The following GOLGA4 variants were observed in gnomAD, a reference collection of about 807,000 sequenced individuals.
GOLGA4 encodes the protein golgin subfamily A member 4.
In GOLGA4, 169 loss-of-function variants were observed where a neutral mutation model predicts 265.9. That is an observed-to-expected ratio of 0.64 (90% CI 0.56 to 0.72). The LOEUF (loss-of-function observed/expected upper bound fraction) is 0.72, where lower values mean the gene tolerates loss of function less well. Ranked by LOEUF, GOLGA4 falls within the 30% of genes least tolerant of loss-of-function variation. The probability of loss-of-function intolerance (pLI) is 0.00; values close to 1 mark genes in which losing one functional copy is unlikely to be tolerated. For missense variants in GOLGA4, 2,482 were observed against 2,483.4 expected (o/e 1.00, Z 0.01); for synonymous variants, 923 against 855.8 (o/e 1.08, Z -1.37).
chr3:37,244,825 A>G (rs916371317), intron 1 of GOLGA4, among the ~76,000 whole-genome samples: 2 of 152,240 alleles, frequency 1.3e-5, no homozygotes, highest in Non-Finnish European at 2.9e-5. Context: ...TTAAATGGTA[A>G]AGATTGTCCT....
Position 37,258,038 on chromosome 3 carries a change from T to C in GOLGA4, c.162+6554T>C, listed in dbSNP as rs868056630. Among the ~76,000 whole-genome samples the C allele has an allele frequency of 7.2e-3, 493 of 68,852 alleles. 74 individuals are homozygous for C. Among genetic ancestry groups the C allele is most frequent in the African/African-American group, 0.029 (457 of 15,614 alleles). The allele number at this position is 68,852 out of a possible 152,430, so 45.2% of individuals were successfully genotyped here. On this transcript the variant is annotated intron_variant, in intron 2 of 23. Transcript: ENST00000361924. ...ATATATATGTATGTATATATGTATA[T>C]ATACATACATATATATATGTATGTA...
rs1200276548 is a variant in GOLGA4, at chr3:37,302,228, T to C, written c.1130T>C (p.Leu377Pro). ...ACAAAACGTCAGATGCATGAAACCC[T>C]GGAAATGAAAGAAGAAGAAATTGCT... Reference protein sequence around the residue: ...AETKRQMHETLEMKEEEIAQL... With the variant: ...AETKRQMHETPEMKEEEIAQL... Residue 377 changes from leucine (L) to proline (P), a missense_variant, in exon 10 of 24, where the codon CTG (leucine) becomes CCG (proline). By Grantham distance (98) the Leu-to-Pro change is moderately conservative. This residue lies in a region of GOLGA4 where 1,536 missense variants were observed against 1,483.7 expected (regional missense o/e 1.04). Transcript: ENST00000361924. 5 of 1,613,164 alleles carry C rather than the reference T, an allele frequency of 3.1e-6. No individual in the cohort carries two copies. Among genetic ancestry groups the C allele is most frequent in the Non-Finnish European group, 3.4e-6 (4 of 1,179,304 alleles).
At chr3:37,302,105 C>G in intron 9 of GOLGA4, 80 bp from the exon 10 acceptor site, 1 of 1,295,914 alleles carries the variant, frequency 7.7e-7, no homozygotes, top group Non-Finnish European at 1.1e-6. Context: ...CTTTTTCTGC[C>G]TTTTAAATTA....
intron 4 of GOLGA4, among the ~76,000 whole-genome samples, chr3:37,286,765 G>C (rs1395281059): frequency 6.6e-6 from 1 of 152,100 alleles, no homozygotes; most frequent in Admixed American, 6.5e-5. Context: ...GCAGACATCT[G>C]TTTCTTATCA....
chr3:37,356,858 GT>G (rs2097092251), intron 22 of GOLGA4, among the ~76,000 whole-genome samples: 1 of 152,062 alleles, frequency 6.6e-6, no homozygotes, highest in Non-Finnish European at 1.5e-5. Context: ...ACATCTTGAT[GT>G]TGGAATATGG....
At chr3:37,275,225 A>G (rs1376713471) in intron 2 of GOLGA4, among the ~76,000 whole-genome samples, 6 of 148,670 alleles carry the variant, frequency 4.0e-5, no homozygotes, top group Non-Finnish European at 8.9e-5. Context: ...CAAAAAAAAA[A>G]AAAAAAAAAA....
chr3:37,248,265 G>A (rs968622599), intron 1 of GOLGA4, among the ~76,000 whole-genome samples: 1 of 152,176 alleles, frequency 6.6e-6, no homozygotes, highest in South Asian at 2.1e-4. Context: ...ATGAGCCACT[G>A]TGCACAGCTA....
At position 37,255,471 on chromosome 3, in the gene GOLGA4, T is replaced by A. The variant is rs541504170; in HGVS notation, c.162+3987T>A. Among the ~76,000 whole-genome samples, 6 of 151,630 alleles carry A rather than the reference T, an allele frequency of 4.0e-5. No homozygotes were observed. In the East Asian group the frequency reaches 9.9e-4, roughly 25 times the overall value. On this transcript the variant is annotated intron_variant, in intron 2 of 23. Coordinates refer to ENST00000361924, the MANE Select transcript of GOLGA4 (RefSeq NM_002078.5). ...AGTCACCACGCCTGACCTTTATATG[T>A]CCCTTTTATAAAGAAGCCTGAGGCA...
intron 1 of GOLGA4, 101 bp downstream of exon 1, chr3:37,243,723 T>A: frequency 2.2e-6 from 2 of 924,584 alleles, no homozygotes; most frequent in Non-Finnish European, 3.3e-6. Flanking sequence ...CCGTGACCTT[T>A]AACCCCTAAC....
At chr3:37,261,109 T>A (rs2096768710) in intron 2 of GOLGA4, among the ~76,000 whole-genome samples, 1 of 151,804 alleles carries the variant, frequency 6.6e-6, no homozygotes, top group African/African-American at 2.4e-5. Context: ...AGGTCGAGGT[T>A]GCAGTGAGCC....
intron 23 of GOLGA4, among the ~76,000 whole-genome samples, chr3:37,364,067 A>G (rs1236250805): frequency 1.3e-5 from 2 of 152,204 alleles, no homozygotes; most frequent in East Asian, 1.9e-4. Flanking sequence ...TTAGTAGTAC[A>G]TTATGAGTAG....
chr3:37,245,931 G>C (rs754205532), intron 1 of GOLGA4, among the ~76,000 whole-genome samples: 3 of 152,056 alleles, frequency 2.0e-5, no homozygotes, highest in African/African-American at 7.2e-5. Context: ...TTTTCTCCTT[G>C]CTTGTGAATT....
At chr3:37,260,157 T>TG (rs1316723496) in intron 2 of GOLGA4, among the ~76,000 whole-genome samples, 1,478 of 124,058 alleles carry the variant, frequency 0.012, 33 homozygotes, top group African/African-American at 0.038. Context: ...GTTGATGAGC[T>TG]AAAAAAAAAA....
At chr3:37,258,245 A>G (rs1023909792) in intron 2 of GOLGA4, among the ~76,000 whole-genome samples, 2 of 147,926 alleles carry the variant, frequency 1.4e-5, no homozygotes, top group African/African-American at 2.5e-5. Context: ...TGAGATATAT[A>G]GCATATATAG....
chr3:37,359,942 G>T (rs1358268682), intron 22 of GOLGA4, among the ~76,000 whole-genome samples: 1 of 152,076 alleles, frequency 6.6e-6, no homozygotes, highest in Non-Finnish European at 1.5e-5. Flanking sequence ...TTTGATTCTG[G>T]TGTTGGTAGA....
chr3:37,256,802 C>T (rs1168125541), intron 2 of GOLGA4, among the ~76,000 whole-genome samples: 5 of 152,126 alleles, frequency 3.3e-5, no homozygotes, highest in Non-Finnish European at 5.9e-5. Context: ...CTAACATCCT[C>T]CTATCCTCTG....
At chr3:37,353,066 G>A (rs1578853037) in intron 21 of GOLGA4, among the ~76,000 whole-genome samples, 1 of 151,998 alleles carries the variant, frequency 6.6e-6, no homozygotes, top group South Asian at 2.1e-4. Context: ...CAAGGAAAAG[G>A]AAAGAGATGG....
rs968973767 is a variant in GOLGA4 at position 37,361,301 on chromosome 3, A to T, written c.*29A>T. The T allele has an allele frequency of 5.0e-6, 8 of 1,607,754 alleles. No individual in the cohort carries two copies. Among genetic ancestry groups the T allele is most frequent in the Non-Finnish European group, 6.8e-6 (8 of 1,174,340 alleles). ...AACCATCAGTCTGTGCTTAGTTAAC[A>T]TGTGGTGAGTGAAGAACAATGTCTT... On this transcript the variant is annotated 3_prime_UTR_variant, in exon 23 of 24. Transcript: ENST00000361924.
chr3:37,325,163 G>A lies in GOLGA4; in HGVS notation c.3277G>A (p.Glu1093Lys). ...GTGTGAAAAAGAAGAGATGAACAAG[G>A]AAATAACATGGCTGAAGGAAGAAGG... ...FGCEKEEMNK[E>K]ITWLKEEGVK... is the part of the protein sequence containing the mutation. The change falls in exon 14 of 24, where the codon GAA (glutamate) becomes AAA (lysine). Residue 1093 changes from glutamate (E) to lysine (K), a missense_variant. By Grantham distance (56) the Glu-to-Lys change is moderately conservative. This residue lies in a region of GOLGA4 where 1,536 missense variants were observed against 1,483.7 expected (regional missense o/e 1.04). Transcript: ENST00000361924. 1.2e-6 allele frequency: 2 copies of A among 1,613,694 alleles called. No homozygotes were observed. The highest frequency in any genetic ancestry group is 1.7e-6 in the Non-Finnish European group (2 of 1,179,834).
Sources: gnomAD v4.1 joint callset for allele counts (sites outside exome capture counted in the v4.1 genomes callset) on GRCh38, gnomAD v4.1.1 for gene constraint, gnomAD v4.1.1 regional missense constraint, MANE v1.5 for transcripts, NCBI Gene and HGNC (gene_info 2026-07-23, HGNC 2026-07-21) for gene names.